The following NOL4 variants were observed in gnomAD, a reference collection of about 807,000 sequenced individuals.
NOL4 encodes cancer/testis antigen 125.
In NOL4, 17 loss-of-function variants were observed where a neutral mutation model predicts 75.9. That is an observed-to-expected ratio of 0.22 (90% CI 0.15 to 0.34). NOL4 has a LOEUF of 0.34. Ranked by LOEUF, NOL4 falls within the 10% of genes least tolerant of loss-of-function variation. NOL4 has a pLI of 1.00. For missense variants in NOL4, 614 were observed against 793.5 expected, an observed-to-expected ratio of 0.77 and a Z score of 2.72; for synonymous variants, 292 against 289.9, an observed-to-expected ratio of 1.01 and a Z score of -0.07.
intron 3 of NOL4, 101 bp from the exon 4 acceptor site, chr18:34,104,260 T>A: frequency 1.3e-6 from 1 of 742,800 alleles, no homozygotes; most frequent in East Asian, 2.7e-5. Flanking sequence ...ATTTTAGATA[T>A]CAAGTGTCTT....
At chr18:34,006,501 C>T (rs993263477) in intron 6 of NOL4, among the ~76,000 whole-genome samples, 6 of 152,032 alleles carry the variant, frequency 3.9e-5, no homozygotes, top group Non-Finnish European at 7.4e-5. Flanking sequence ...CTGGGGTAAC[C>T]AGCCAGCTAT....
At chr18:34,094,263 A>T (rs1456008250) in intron 4 of NOL4, among the ~76,000 whole-genome samples, 1 of 152,190 alleles carries the variant, frequency 6.6e-6, no homozygotes, top group Non-Finnish European at 1.5e-5. Flanking sequence ...AGGGCTTTAT[A>T]AAAAAATTTT....
At chr18:34,177,201 A>T (rs898215518) in intron 1 of NOL4, among the ~76,000 whole-genome samples, 11 of 152,032 alleles carry the variant, frequency 7.2e-5, no homozygotes, top group Admixed American at 1.3e-4. Context: ...TTTACATAAA[A>T]TTCTAGAAAT....
At chr18:34,147,809 A>G (rs2081469719) in intron 1 of NOL4, among the ~76,000 whole-genome samples, 2 of 151,786 alleles carry the variant, frequency 1.3e-5, no homozygotes, top group Admixed American at 1.3e-4. Context: ...TCCTCTTTGT[A>G]CCTCTGGAAG....
intron 5 of NOL4, among the ~76,000 whole-genome samples, chr18:34,030,689 A>C (rs2075595324): frequency 6.6e-6 from 1 of 152,146 alleles, no homozygotes; most frequent in Admixed American, 6.5e-5. Context: ...TATAGTTTCA[A>C]ATAATAGCTA....
chr18:33,912,079 T>C (rs2066442759), intron 9 of NOL4, among the ~76,000 whole-genome samples: 1 of 152,106 alleles, frequency 6.6e-6, no homozygotes, highest in Non-Finnish European at 1.5e-5. Flanking sequence ...CAATTCTCTA[T>C]AATATGTAGT....
intron 9 of NOL4, among the ~76,000 whole-genome samples, chr18:33,941,282 A>G (rs916088776): frequency 2.0e-5 from 3 of 151,944 alleles, no homozygotes; most frequent in Admixed American, 6.6e-5. Flanking sequence ...GAGTGATATT[A>G]TAGGTAGTAT....
chr18:33,948,340 T>C (rs1175578180), intron 8 of NOL4, among the ~76,000 whole-genome samples: 17 of 151,932 alleles, frequency 1.1e-4, no homozygotes, highest in Non-Finnish European at 1.9e-4. Context: ...AAGAATTCTG[T>C]AATTTGGATG....
chr18:34,099,382 A>T (rs2078940945), intron 4 of NOL4, among the ~76,000 whole-genome samples: 1 of 150,460 alleles, frequency 6.6e-6, no homozygotes, highest in South Asian at 2.1e-4. Flanking sequence ...AAAAAAGACA[A>T]CTACGCATGC....
chr18:34,041,361 A>G (rs1200387182), intron 5 of NOL4, among the ~76,000 whole-genome samples: 2 of 151,994 alleles, frequency 1.3e-5, no homozygotes, highest in African/African-American at 2.4e-5. Flanking sequence ...TTTACCCCCA[A>G]TCCCTACTGT....
intron 9 of NOL4, among the ~76,000 whole-genome samples, chr18:33,938,379 A>T (rs2068210924): frequency 6.6e-6 from 1 of 151,930 alleles, no homozygotes; most frequent in Admixed American, 6.6e-5. Context: ...TGGGTTTGAA[A>T]ATAATATTTT....
Position 34,042,777 on chromosome 18 carries a change from G to A in NOL4, c.773-23176C>T, listed in dbSNP as rs574811662. On this transcript the variant is annotated intron_variant, in intron 5 of 10. Transcript: ENST00000261592. ...CTCATGTGCTAAAGCCTTCCCAGAC[G>A]ATCACTACCAACTTGTCCTCACATT... 9.4e-3 allele frequency among the ~76,000 whole-genome samples: 1,434 copies of A among 152,050 alleles called. 10 individuals carry two copies. Among genetic ancestry groups the A allele is most frequent in the South Asian group, 0.018 (87 of 4,826 alleles).
At chr18:33,861,234 G>C (rs1342145924) in intron 10 of NOL4, among the ~76,000 whole-genome samples, 17 of 152,088 alleles carry the variant, frequency 1.1e-4, no homozygotes, top group Admixed American at 3.3e-4. Flanking sequence ...TGTACCTCTG[G>C]TAGAATTTGG....
chr18:34,223,054 G>GGCTGGCCCA lies in NOL4; in HGVS notation c.191_199dup (p.Leu64_Gln66dup). The GGCTGGCCCA allele has an allele frequency of 6.2e-7, 1 of 1,613,804 alleles. No individual in the cohort carries two copies. Among genetic ancestry groups the GGCTGGCCCA allele is most frequent in the Non-Finnish European group, 8.5e-7 (1 of 1,180,016 alleles). Reference sequence around the variant, plus strand: ...GCCGCCTCCCCCGCGGACCTCGTCCGGCTGGCCCAGCTGGAAGCCCTTCGA... The same window carrying GGCTGGCCCA: ...GCCGCCTCCCCCGCGGACCTCGTCCGGCTGGCCCAGCTGGCCCAGCTGGAAGCCCTTCGA... On this transcript the variant is annotated inframe_insertion, in exon 1 of 11. Coordinates refer to ENST00000261592, the MANE Select transcript of NOL4 (RefSeq NM_003787.5).
In NOL4 at chr18:34,019,424, G is replaced by A. The variant is rs747586344; in HGVS notation, c.950C>T (p.Ser317Leu). Residue 317 changes from serine (S) to leucine (L), a missense_variant, in exon 6 of 11, where the codon TCG becomes TTG. Coordinates refer to ENST00000261592, the MANE Select transcript of NOL4 (RefSeq NM_003787.5). The part of the protein sequence containing the change: ...SDSPLSAQLT[S>L]EYRIDDHNSN... ...GTTGTGATCATCTATTCTGTATTCC[G>A]AAGTTAGCTGCGCAGAGAGGGGACT... 1.6e-5 allele frequency: 26 copies of A among 1,613,706 alleles called. No homozygotes were observed. Among genetic ancestry groups the A allele is most frequent in the African/African-American group, 5.3e-5 (4 of 74,806 alleles).
intron 10 of NOL4, among the ~76,000 whole-genome samples, chr18:33,863,368 A>G (rs953401005): frequency 2.6e-5 from 4 of 152,152 alleles, no homozygotes; most frequent in Non-Finnish European, 2.9e-5. Context: ...ACATGTATAC[A>G]TATGTAACTA....
At position 34,083,399 on chromosome 18, in the gene NOL4, G is replaced by T. The variant is rs986034528; in HGVS notation, c.772+10066C>A. Among the ~76,000 whole-genome samples, 7 of 152,160 alleles carry T rather than the reference G, an allele frequency of 4.6e-5. 1 individual carries two copies. The South Asian group carries it at 1.4e-3, about 31-fold the overall frequency. ...GGAATCACCTTGGTTTTCTAAGGAAGGGCCAGCTGGGAGAAAAATGGGGGT... is the reference window on the plus strand; with the variant it reads ...GGAATCACCTTGGTTTTCTAAGGAATGGCCAGCTGGGAGAAAAATGGGGGT... On this transcript the variant is annotated intron_variant, in intron 5 of 10. Transcript: ENST00000261592.
chr18:33,936,443 T>A (rs1373059223), intron 9 of NOL4, among the ~76,000 whole-genome samples: 3 of 149,120 alleles, frequency 2.0e-5, no homozygotes, highest in African/African-American at 7.4e-5. Context: ...TAGTGATGTA[T>A]AAGTTTTCAG....
chr18:34,181,465 T>G (rs943711861), intron 1 of NOL4, among the ~76,000 whole-genome samples: 5 of 151,526 alleles, frequency 3.3e-5, no homozygotes, highest in African/African-American at 1.2e-4. Context: ...GCTATAACAA[T>G]CTTAGAAGAA....
Sources: allele counts gnomAD v4.1 joint callset (sites outside exome capture counted in the v4.1 genomes callset), GRCh38; gene constraint gnomAD v4.1.1; transcripts MANE v1.5; gene names NCBI Gene and HGNC (gene_info 2026-07-23, HGNC 2026-07-21).